ZNF484: variants seen among roughly 807,000 people sequenced by gnomAD.
The protein encoded by ZNF484 is zinc finger protein 484.
Under a neutral mutation model 12.9 loss-of-function variants are expected in ZNF484, and 11 were observed. The ratio of observed to expected loss-of-function variants is 0.85; its 90% CI spans 0.54 to 1.41. ZNF484 has a LOEUF of 1.41. Ranked by LOEUF, ZNF484 falls within the 40% of genes most tolerant of loss-of-function variation. The pLI, the probability that ZNF484 is intolerant of heterozygous loss-of-function variation, is 0.00. For missense variants in ZNF484, 807 were observed against 1,007.7 expected (o/e 0.80, Z 2.70); for synonymous variants, 289 against 334.1 (o/e 0.86, Z 1.47).
At chr9:92,849,947 A>G (rs1457322438) in intron 4 of ZNF484, among the ~76,000 whole-genome samples, 1 of 152,154 alleles carries the variant, frequency 6.6e-6, no homozygotes, top group African/African-American at 2.4e-5. Flanking sequence ...AACTACAGGC[A>G]TATGCCACCA....
rs984804872 is a variant in ZNF484 at position 92,848,874 on chromosome 9, A to G, written c.236-323T>C. Among the ~76,000 whole-genome samples, 7 of 151,904 alleles carry G rather than the reference A, an allele frequency of 4.6e-5. No homozygotes were observed. Among genetic ancestry groups the G allele is most frequent in the African/African-American group, 1.7e-4 (7 of 41,424 alleles). On this transcript the variant is annotated intron_variant, in intron 4 of 4. Transcript: ENST00000375495. The surrounding 1 kb of genome is among the most constrained non-coding windows in gnomAD (Gnocchi z 4.1). ...CAGTGAGCTGAAATTGCGCCATTGC[A>G]CTCTAGTCTGGGTGACAGAGCAAGA...
rs1472973086 is a variant in ZNF484, at chr9:92,847,135, T to G, written c.1652A>C (p.His551Pro). The change falls in exon 5 of 5, where the codon CAT becomes CCT. Residue 551 changes from histidine (H) to proline (P), a missense_variant. Coordinates refer to ENST00000375495, the MANE Select transcript of ZNF484 (RefSeq NM_031486.4). ...IHQKCHTGER[H>P]YECSECGKAF... Reference sequence around the variant, plus strand: ...TTTCCCACATTCACTGCATTCATAATGTCTCTCTCCAGTATGACACTTCTG... The same window carrying G: ...TTTCCCACATTCACTGCATTCATAAGGTCTCTCTCCAGTATGACACTTCTG... The G allele has an allele frequency of 6.2e-7, 1 of 1,613,988 alleles. No homozygotes were observed. The highest frequency in any genetic ancestry group is 8.5e-7 in the Non-Finnish European group (1 of 1,180,010).
chr9:92,876,519 C>T (rs1179716259), intron 1 of ZNF484, among the ~76,000 whole-genome samples: 1 of 152,088 alleles, frequency 6.6e-6, no homozygotes. Flanking sequence ...TGGGCAAAGA[C>T]ATCATCCAAA....
chr9:92,848,197 G>C lies in ZNF484; in HGVS notation c.590C>G (p.Ala197Gly), dbSNP rs976052507. Reference protein sequence around the residue: ...PIITLYNRNNATENSDKTIGD... With the variant: ...PIITLYNRNNGTENSDKTIGD... The stretch of plus-strand genomic sequence containing the variant: ...AATAGTCTTATCAGAATTTTCTGTT[G>C]CATTGTTTCTATTATATAAGGTTAT... Residue 197 changes from alanine to glycine, a missense_variant, in exon 5 of 5, where the codon GCA becomes GGA. Ala to Gly is a moderately conservative substitution (Grantham distance 60). Coordinates refer to ENST00000375495, the MANE Select transcript of ZNF484 (RefSeq NM_031486.4). This position sits in a 1 kb window ranked among gnomAD's most constrained non-coding sequence, Gnocchi z 4.1. 1.2e-6 allele frequency: 2 copies of C among 1,613,920 alleles called. No individual in the cohort carries two copies. The highest frequency in any genetic ancestry group is 2.7e-5 in the African/African-American group (2 of 74,892).
rs564304192 is a variant in ZNF484 at position 92,848,412 on chromosome 9, T to G, written c.375A>C (p.Thr125=). The G allele has an allele frequency of 2.5e-5, 40 of 1,614,170 alleles. 2 individuals are homozygous for G. The South Asian group carries it at 4.2e-4, about 17-fold the overall frequency. The change falls in exon 5 of 5, where the codon ACA becomes ACC. Residue 125 remains threonine (T), a synonymous_variant. Coordinates refer to ENST00000375495, the MANE Select transcript of ZNF484 (RefSeq NM_031486.4). This position sits in a 1 kb window ranked among gnomAD's most constrained non-coding sequence, Gnocchi z 4.1. ...TGTTCTGGTTTTCTCCACATTTTCTTGTGTGTTCATCGTCTTTCCACAATT... is the reference window on the plus strand; with the variant it reads ...TGTTCTGGTTTTCTCCACATTTTCTGGTGTGTTCATCGTCTTTCCACAATT... ...LEELWKDDEH[T]RKCGENQNKP... is the part of the protein sequence containing the mutation.
At position 92,848,427 on chromosome 9, in the gene ZNF484, T is replaced by C. The variant is rs1242645873; in HGVS notation, c.360A>G (p.Lys120=). The C allele has an allele frequency of 6.2e-7, 1 of 1,614,176 alleles. No individual in the cohort carries two copies. The highest frequency in any genetic ancestry group is 2.2e-5 in the East Asian group (1 of 44,872). The part of the protein sequence containing the change: ...DPYSILEELW[K]DDEHTRKCGE... ...CACATTTTCTTGTGTGTTCATCGTCTTTCCACAATTCTTCTAAAATGGAAT... is the reference window on the plus strand; with the variant it reads ...CACATTTTCTTGTGTGTTCATCGTCCTTCCACAATTCTTCTAAAATGGAAT... Residue 120 remains lysine, a synonymous_variant, in exon 5 of 5, where the codon AAA becomes AAG. Coordinates refer to ENST00000375495, the MANE Select transcript of ZNF484 (RefSeq NM_031486.4). This position sits in a 1 kb window ranked among gnomAD's most constrained non-coding sequence, Gnocchi z 4.1.
At position 92,846,162 on chromosome 9, in the gene ZNF484, T is replaced by G. The variant is rs1855569568; in HGVS notation, c.*66A>C. ...GCCACTATACATTGCTTAAACACTC[T>G]CAAAAGTGTCTCCCCATATGTGTAA... On this transcript the variant is annotated 3_prime_UTR_variant, in exon 5 of 5. Coordinates refer to ENST00000375495, the MANE Select transcript of ZNF484 (RefSeq NM_031486.4). 6.6e-7 allele frequency: 1 copy of G among 1,523,400 alleles called. No homozygotes were observed. 94.4% of individuals were successfully genotyped at this position (1,523,400 alleles called of 1,614,324 possible).
chr9:92,877,488 T>C (rs1387317166), intron 1 of ZNF484, among the ~76,000 whole-genome samples: 1 of 152,164 alleles, frequency 6.6e-6, no homozygotes, highest in East Asian at 1.9e-4. Context: ...ATTCTTTAAA[T>C]CTTTAGCAAA....
At chr9:92,851,993 C>T (rs986814271) in intron 4 of ZNF484, among the ~76,000 whole-genome samples, 2 of 152,194 alleles carry the variant, frequency 1.3e-5, no homozygotes, top group Non-Finnish European at 2.9e-5. Context: ...TGCAGTTATC[C>T]TCTTTCCAAT....
chr9:92,857,059 G>A (rs758392052), intron 2 of ZNF484, among the ~76,000 whole-genome samples: 5 of 152,208 alleles, frequency 3.3e-5, no homozygotes, highest in Non-Finnish European at 7.3e-5. Flanking sequence ...ACTGTGTGGT[G>A]TATGAAGGAG....
intron 2 of ZNF484, among the ~76,000 whole-genome samples, chr9:92,857,139 C>G (rs1856513898): frequency 6.6e-6 from 1 of 152,218 alleles, no homozygotes; most frequent in South Asian, 2.1e-4. Context: ...CTTCCTTCAA[C>G]AATGAACTGT....
chr9:92,862,282 T>A, intron 2 of ZNF484: 2 of 285,804 alleles, frequency 7.0e-6, no homozygotes, highest in Non-Finnish European at 1.0e-5. Flanking sequence ...GAGAACTTTA[T>A]GTTGTGAACA....
At chr9:92,851,781 C>T (rs1856105197) in intron 4 of ZNF484, among the ~76,000 whole-genome samples, 1 of 152,168 alleles carries the variant, frequency 6.6e-6, no homozygotes, top group African/African-American at 2.4e-5. Flanking sequence ...ATCAAAAATT[C>T]ATTGTTCTTC....
At chr9:92,864,043 T>C (rs1470738901) in intron 2 of ZNF484, among the ~76,000 whole-genome samples, 1 of 152,036 alleles carries the variant, frequency 6.6e-6, no homozygotes, top group Non-Finnish European at 1.5e-5. Context: ...GTTGATGGGG[T>C]TGAATGCCAA....
chr9:92,846,360 C>G lies in ZNF484; in HGVS notation c.2427G>C (p.Leu809Phe). Reference protein sequence around the residue: ...TKQKPYKCSDLGKALNWKPQL... With the variant: ...TKQKPYKCSDFGKALNWKPQL... The stretch of plus-strand genomic sequence containing the variant: ...GTGGCTTCCAGTTTAAGGCTTTCCC[C>G]AAGTCACTGCACTTATAGGGTTTCT... Residue 809 changes from leucine (L) to phenylalanine (F), a missense_variant, in exon 5 of 5, where the codon TTG (leucine) becomes TTC (phenylalanine). Leu to Phe is a conservative substitution (Grantham distance 22). Transcript: ENST00000375495. The G allele has an allele frequency of 1.9e-6, 3 of 1,614,138 alleles. No homozygotes were observed. In the South Asian group the frequency reaches 3.3e-5, roughly 18 times the overall value.
Position 92,846,118 on chromosome 9 carries a change from T to C in ZNF484, c.*110A>G. On this transcript the variant is annotated 3_prime_UTR_variant, in exon 5 of 5. Coordinates refer to ENST00000375495, the MANE Select transcript of ZNF484 (RefSeq NM_031486.4). ...ATTTGCAGGAGCTTGACAACACCAATATCAAGTAACCAAAGATGGCCACTA... is the reference window on the plus strand; with the variant it reads ...ATTTGCAGGAGCTTGACAACACCAACATCAAGTAACCAAAGATGGCCACTA... 4.5e-6 allele frequency: 5 copies of C among 1,113,568 alleles called. No individual in the cohort carries two copies. Among genetic ancestry groups the C allele is most frequent in the African/African-American group, 1.6e-5 (1 of 64,162 alleles). 69.0% of individuals were successfully genotyped at this position (1,113,568 alleles called of 1,614,324 possible). A position where few individuals can be genotyped will look rare whatever the true frequency, so the allele number is the denominator to read the frequency against.
At chr9:92,851,290 C>T (rs1856058679) in intron 4 of ZNF484, among the ~76,000 whole-genome samples, 2 of 152,220 alleles carry the variant, frequency 1.3e-5, no homozygotes, top group Admixed American at 1.3e-4. Flanking sequence ...GGGCCAAATC[C>T]AGGCCTCTAT....
intron 2 of ZNF484, among the ~76,000 whole-genome samples, chr9:92,873,969 C>T (rs10739933): frequency 0.42 from 63,118 of 152,020 alleles, 14,062 homozygotes; most frequent in African/African-American, 0.57. Flanking sequence ...GAGTTTATTC[C>T]ATGGATGCAA....
At position 92,877,899 on chromosome 9, in the gene ZNF484, A is replaced by C; in HGVS notation, c.-40T>G. On this transcript the variant is annotated 5_prime_UTR_variant, in exon 1 of 5. An upstream open reading frame in the 5' UTR loses its in-frame stop. Coordinates refer to ENST00000375495, the MANE Select transcript of ZNF484 (RefSeq NM_031486.4). ...CCATCCCTCTACTCACCTGCCCCTCACCCACGTCCTCTCAGGACAGTGGTC... is the reference window on the plus strand; with the variant it reads ...CCATCCCTCTACTCACCTGCCCCTCCCCCACGTCCTCTCAGGACAGTGGTC... 1 of 1,533,882 alleles carries C rather than the reference A, an allele frequency of 6.5e-7. No homozygotes were observed. Among genetic ancestry groups the C allele is most frequent in the East Asian group, 2.4e-5 (1 of 40,898 alleles).
Sources: allele counts gnomAD v4.1 joint callset (sites outside exome capture counted in the v4.1 genomes callset), GRCh38; gene constraint gnomAD v4.1.1; non-coding constraint Gnocchi (gnomAD v3.1); transcripts MANE v1.5; gene names NCBI Gene and HGNC (gene_info 2026-07-23, HGNC 2026-07-21).